The following GRIPAP1 variants were observed in gnomAD, a reference collection of about 807,000 sequenced individuals.
GRIPAP1 encodes the protein GRIP1-associated protein 1.
A neutral mutation model predicts 84.1 loss-of-function variants in GRIPAP1; 14 were observed. The observed-to-expected ratio is 0.17, with a 90% CI of 0.11 to 0.26. The LOEUF is 0.26. GRIPAP1 is among the 10% of genes least tolerant of loss of function. The pLI, the probability that GRIPAP1 is intolerant of heterozygous loss-of-function variation, is 1.00. For synonymous variants in GRIPAP1, 261 were observed against 256.8 expected, an observed-to-expected ratio of 1.02 and a Z score of -0.15; for missense variants, 518 against 674.2, an observed-to-expected ratio of 0.77 and a Z score of 2.57.
rs781916446 is a variant in GRIPAP1, at chrX:48,976,379, G to A, written c.2062-16C>T. ...TGGATAAGGACTGCAGGAAAGAGAA[G>A]GGGAGAGGCCAGCCCCGGGCTCAGC... On this transcript the variant is annotated splice_polypyrimidine_tract_variant and intron_variant, in intron 22 of 25. Transcript: ENST00000376423. The A allele has an allele frequency of 4.2e-6, 5 of 1,192,552 alleles. No homozygotes were observed. Among genetic ancestry groups the A allele is most frequent in the East Asian group, 6.0e-5 (2 of 33,340 alleles).
At chrX:48,974,387 T>C (rs2064411510) in intron 25 of GRIPAP1, 102 bp from the exon 26 acceptor site, 1 of 520,404 alleles carries the variant, frequency 1.9e-6, no homozygotes, top group Non-Finnish European at 3.4e-6. Context: ...CTTTCATTAA[T>C]CAATGCTCAG....
chrX:48,994,219 C>CTTT (rs200273142), intron 5 of GRIPAP1, among the ~76,000 whole-genome samples: 26 of 95,155 alleles, frequency 2.7e-4, no homozygotes, highest in African/African-American at 1.0e-3. Context: ...TATTTTCTTT[C>CTTT]TTTTTTTTTT....
At chrX:48,994,723 A>T (rs1557066409) in intron 5 of GRIPAP1, among the ~76,000 whole-genome samples, 12 of 111,797 alleles carry the variant, frequency 1.1e-4, no homozygotes, top group Non-Finnish European at 2.1e-4. Flanking sequence ...CTTTTGTAAC[A>T]AGCACAGATT....
intron 13 of GRIPAP1, 22 bp downstream of exon 13, chrX:48,987,763 A>C: frequency 1.0e-6 from 1 of 996,227 alleles, no homozygotes; most frequent in Non-Finnish European, 1.4e-6. Context: ...GGGATCAGCA[A>C]GGGCCCCCAG....
rs782450522 is a variant in GRIPAP1, at chrX:48,989,849, C to G, written c.756G>C (p.Leu252=). The stretch of plus-strand genomic sequence containing the variant: ...CTGGCAGTTACCTGCTGTCATTAAA[C>G]AGAGTCTCCTTTTCTGTCTGCAGAC... ...FCRLQTEKET[L]FNDSRNKIEE... Residue 252 remains leucine, a synonymous_variant, in exon 10 of 26, where the codon CTG becomes CTC. Transcript: ENST00000376423. 1.7e-6 allele frequency: 2 copies of G among 1,208,545 alleles called. No individual in the cohort carries two copies. Among genetic ancestry groups the G allele is most frequent in the Admixed American group, 4.4e-5 (2 of 45,698 alleles).
chrX:48,978,844 G>A (rs1383898912), intron 21 of GRIPAP1, among the ~76,000 whole-genome samples: 1 of 104,179 alleles, frequency 9.6e-6, no homozygotes, highest in East Asian at 2.9e-4. Flanking sequence ...ACAGTGAGCC[G>A]AAATCGCACC....
At position 48,976,165 on chromosome X, in the gene GRIPAP1, G is replaced by C. The variant is rs1361341326; in HGVS notation, c.2185-54C>G. On this transcript the variant is annotated intron_variant, in intron 23 of 25. Coordinates refer to ENST00000376423, the MANE Select transcript of GRIPAP1 (RefSeq NM_020137.5). ...CCCTCTACTGTACATGTTCACACATGAGGCGGGCCCGGGCAGACCCCACAC... is the reference window on the plus strand; with the variant it reads ...CCCTCTACTGTACATGTTCACACATCAGGCGGGCCCGGGCAGACCCCACAC... The C allele has an allele frequency of 5.0e-6, 6 of 1,195,544 alleles. No homozygotes were observed. The African/African-American group carries it at 1.1e-4, about 21-fold the overall frequency.
chrX:48,985,500 G>A (rs781841071), intron 13 of GRIPAP1, 98 bp from the exon 14 acceptor site: 7 of 706,659 alleles, frequency 9.9e-6, no homozygotes, highest in Non-Finnish European at 1.5e-5. Context: ...AGGGAGGGAG[G>A]TGGGAAGAGA....
At chrX:48,976,202 C>T in intron 23 of GRIPAP1, 39 bp downstream of exon 23, 1 of 1,181,619 alleles carries the variant, frequency 8.5e-7, no homozygotes, top group Non-Finnish European at 1.1e-6. Context: ...CACAAGGGCA[C>T]TTCAAGTGGG....
At chrX:48,979,937 A>T (rs1404935614) in intron 21 of GRIPAP1, among the ~76,000 whole-genome samples, 3 of 110,705 alleles carry the variant, frequency 2.7e-5, no homozygotes, top group African/African-American at 9.9e-5. Flanking sequence ...CAGAAACAAA[A>T]CTCCTTTTTA....
At chrX:48,983,589 T>G (rs2064470168) in intron 15 of GRIPAP1, 149 bp from the exon 16 acceptor site, 1 of 543,405 alleles carries the variant, frequency 1.8e-6, no homozygotes, top group Admixed American at 3.1e-5. Flanking sequence ...CTTATAGAAC[T>G]GGTCACTTTC....
In GRIPAP1 at chrX:48,998,194, G is replaced by A. The variant is rs782711821; in HGVS notation, c.172-14C>T. ...CTTGCTCAGTGCCTAAAGTGGGGGT[G>A]GGTGGGAAGAGAGCTAAAGTGAACA... On this transcript the variant is annotated splice_polypyrimidine_tract_variant and intron_variant, in intron 3 of 25. Coordinates refer to ENST00000376423, the MANE Select transcript of GRIPAP1 (RefSeq NM_020137.5). 1 of 1,172,792 alleles carries A rather than the reference G, an allele frequency of 8.5e-7. No homozygotes were observed. The highest frequency in any genetic ancestry group is 1.2e-6 in the Non-Finnish European group (1 of 862,471).
In GRIPAP1 at chrX:48,993,444, C is replaced by T; in HGVS notation, c.441G>A (p.Leu147=). Residue 147 remains leucine (L), a synonymous_variant, in exon 6 of 26, where the codon TTG becomes TTA. Transcript: ENST00000376423. The part of the protein sequence containing the change: ...LLRLQAENTA[L]QKNVAALQER... Reference sequence around the variant, plus strand: ...TCTATGCACCTGCCACGTTCTTCTGCAAGGCTGTGTTTTCAGCCTGTAGCC... The same window carrying T: ...TCTATGCACCTGCCACGTTCTTCTGTAAGGCTGTGTTTTCAGCCTGTAGCC... The T allele has an allele frequency of 8.6e-7, 1 of 1,169,099 alleles. No individual in the cohort carries two copies. Among genetic ancestry groups the T allele is most frequent in the Non-Finnish European group, 1.1e-6 (1 of 874,215 alleles).
At position 49,002,228 on chromosome X, in the gene GRIPAP1, ATG is replaced by A; in HGVS notation, c.-1_1del. The A allele has an allele frequency of 8.7e-7, 1 of 1,145,208 alleles. No individual in the cohort carries two copies. 94.4% of individuals were successfully genotyped at this position (1,145,208 alleles called of 1,213,427 possible). The stretch of plus-strand genomic sequence containing the variant: ...CTCCTCCTCAGACAGAGCTTGCGCC[ATG>A]TTCCTCCCCCCACCCCCCCGCCAGC... On this transcript the variant is annotated start_lost and start_retained_variant and 5_prime_UTR_variant, in exon 1 of 26. Transcript: ENST00000376423.
chrX:48,999,304 T>C lies in GRIPAP1; in HGVS notation c.110-5A>G. On this transcript the variant is annotated splice_polypyrimidine_tract_variant and splice_region_variant and intron_variant, in intron 2 of 25. Transcript: ENST00000376423. ...TCTGTCGAAGACTGGTGAGTTCTGG[T>C]GTCGGGAAAGCAGGGAAACTCAGCC... 2 of 1,203,729 alleles carry C rather than the reference T, an allele frequency of 1.7e-6. No homozygotes were observed. The highest frequency in any genetic ancestry group is 3.5e-5 in the South Asian group (2 of 56,780).
rs145705450 is a variant in GRIPAP1, at chrX:48,997,338, C to T, written c.218G>A (p.Ser73Asn). The change falls in exon 5 of 26, where the codon AGT (serine) becomes AAT (asparagine). Residue 73 changes from serine to asparagine, a missense_variant. Physicochemically the swap from Ser to Asn is conservative, Grantham distance 46 (BLOSUM62 1). Coordinates refer to ENST00000376423, the MANE Select transcript of GRIPAP1 (RefSeq NM_020137.5). ...CTTTGCCTGCAGCATCTCATTTTCA[C>T]TCAGCAATACCTCGACTTCCTGCAG... The part of the protein sequence containing the change: ...KKAQEVEVLL[S>N]ENEMLQAKLH... 3.6e-3 allele frequency: 4,173 copies of T among 1,158,435 alleles called. 7 individuals carry two copies. The highest frequency in any genetic ancestry group is 4.2e-3 in the Non-Finnish European group (3,592 of 857,014).
At chrX:49,000,962 G>C (rs1348422593) in intron 1 of GRIPAP1, 1 of 109,441 alleles carries the variant, frequency 9.1e-6, no homozygotes, top group East Asian at 2.9e-4. Flanking sequence ...TCCAAGTACT[G>C]GTCCAAGTGG....
intron 21 of GRIPAP1, among the ~76,000 whole-genome samples, 171 bp from the exon 22 acceptor site, chrX:48,978,606 A>G (rs782164002): frequency 9.0e-6 from 1 of 111,340 alleles, no homozygotes; most frequent in South Asian, 3.8e-4. Flanking sequence ...CAGAAAAAAG[A>G]GCTGAGGCTG....
At position 48,981,407 on chromosome X, in the gene GRIPAP1, C is replaced by T; in HGVS notation, c.1830+9G>A. ...GAGGGAGCCGTGCTTGGGCACCGCTCTGTCTTACCGCAGCACTGCCCTTCT... is the reference window on the plus strand; with the variant it reads ...GAGGGAGCCGTGCTTGGGCACCGCTTTGTCTTACCGCAGCACTGCCCTTCT... On this transcript the variant is annotated intron_variant, in intron 20 of 25. Transcript: ENST00000376423. The T allele has an allele frequency of 8.3e-7, 1 of 1,209,322 alleles. No individual in the cohort carries two copies. Among genetic ancestry groups the T allele is most frequent in the Non-Finnish European group, 1.1e-6 (1 of 893,905 alleles).
Sources: allele counts gnomAD v4.1 joint callset (sites outside exome capture counted in the v4.1 genomes callset), GRCh38; gene constraint gnomAD v4.1.1; transcripts MANE v1.5; gene names NCBI Gene and HGNC (gene_info 2026-07-23, HGNC 2026-07-21).